Variants in RALYL observed in about 807,000 individuals in gnomAD.
The protein encoded by RALYL is RNA-binding Raly-like protein.
Under a neutral mutation model 35.1 loss-of-function variants are expected in RALYL, and 29 were observed. The ratio of observed to expected loss-of-function variants is 0.83; its 90% CI spans 0.61 to 1.13. The LOEUF (loss-of-function observed/expected upper bound fraction) is 1.13, where lower values mean the gene tolerates loss of function less well. Among genes scored for constraint, RALYL ranks in the 50% most tolerant of loss-of-function variants. The pLI, the probability that RALYL is intolerant of heterozygous loss-of-function variation, is 0.00. For missense variants in RALYL, 359 were observed against 360.4 expected (o/e 1.00, Z 0.03); for synonymous variants, 120 against 127.6 (o/e 0.94, Z 0.40).
chr8:84,243,346 T>C (rs904719988), intron 1 of RALYL, among the ~76,000 whole-genome samples: 4 of 152,082 alleles, frequency 2.6e-5, no homozygotes, highest in Non-Finnish European at 4.4e-5. Flanking sequence ...TTGAAAGTAG[T>C]TTTTTCTAAT....
At chr8:84,691,758 G>A (rs1279453482) in intron 2 of RALYL, among the ~76,000 whole-genome samples, 1 of 151,910 alleles carries the variant, frequency 6.6e-6, no homozygotes, top group Admixed American at 6.6e-5. Flanking sequence ...TAGATAGAAA[G>A]CACATGCAAA....
intron 1 of RALYL, among the ~76,000 whole-genome samples, chr8:84,358,416 A>C (rs1352309851): frequency 1.3e-5 from 2 of 152,050 alleles, no homozygotes; most frequent in Non-Finnish European, 2.9e-5. Context: ...GTGTGTGCAC[A>C]TGCAATAAAA....
intron 4 of RALYL, among the ~76,000 whole-genome samples, chr8:84,817,762 A>G (rs111405271): frequency 1.6e-3 from 240 of 151,934 alleles, no homozygotes; most frequent in African/African-American, 5.5e-3. Flanking sequence ...ACTGTGTTGG[A>G]CAGGCTGGTC....
intron 2 of RALYL, among the ~76,000 whole-genome samples, chr8:84,616,553 T>A (rs1429013019): frequency 8.8e-5 from 13 of 148,038 alleles, no homozygotes; most frequent in African/African-American, 3.3e-4. Context: ...GCCTGTTCAC[T>A]CTGATGGTAG....
intron 6 of RALYL, among the ~76,000 whole-genome samples, chr8:84,871,419 A>T (rs965425539): frequency 6.6e-6 from 1 of 152,220 alleles, no homozygotes; most frequent in African/African-American, 2.4e-5. Flanking sequence ...TTTCAGCTAT[A>T]GTCCTATTTA....
At chr8:84,325,309 G>T (rs568886303) in intron 1 of RALYL, among the ~76,000 whole-genome samples, 1 of 152,104 alleles carries the variant, frequency 6.6e-6, no homozygotes, top group African/African-American at 2.4e-5. Context: ...CTGAATTATA[G>T]ATTTCCCTGA....
chr8:84,871,237 C>T (rs1840134439), intron 6 of RALYL, among the ~76,000 whole-genome samples: 1 of 152,140 alleles, frequency 6.6e-6, no homozygotes, highest in Non-Finnish European at 1.5e-5. Context: ...TCCCTGGAGA[C>T]TTCTAAGTTC....
At chr8:84,256,814 G>T (rs1433463221) in intron 1 of RALYL, among the ~76,000 whole-genome samples, 1 of 152,056 alleles carries the variant, frequency 6.6e-6, no homozygotes, top group Non-Finnish European at 1.5e-5. Context: ...GTAGAAAGAG[G>T]TTAAGTAATT....
intron 2 of RALYL, among the ~76,000 whole-genome samples, chr8:84,752,098 T>C (rs188259165): frequency 1.6e-4 from 25 of 152,314 alleles, no homozygotes; most frequent in African/African-American, 5.8e-4. Flanking sequence ...CTGATAGTGA[T>C]ATGGACGATG....
intron 1 of RALYL, among the ~76,000 whole-genome samples, chr8:84,336,768 G>A (rs1324438955): frequency 6.6e-6 from 1 of 151,948 alleles, no homozygotes; most frequent in Admixed American, 6.6e-5. Flanking sequence ...AACCATCACT[G>A]CAGCTGACCC....
chr8:84,500,636 C>G (rs1182057784), intron 1 of RALYL, among the ~76,000 whole-genome samples: 1 of 152,060 alleles, frequency 6.6e-6, no homozygotes, highest in Non-Finnish European at 1.5e-5. Flanking sequence ...GGAGTCACTT[C>G]TAAATACTTG....
intron 1 of RALYL, among the ~76,000 whole-genome samples, chr8:84,473,924 T>C (rs751330704): frequency 6.6e-6 from 1 of 152,088 alleles, no homozygotes; most frequent in Non-Finnish European, 1.5e-5. Flanking sequence ...AATAAAATTT[T>C]TAAATTCTTT....
intron 2 of RALYL, among the ~76,000 whole-genome samples, chr8:84,643,577 T>C (rs911006466): frequency 6.6e-6 from 1 of 151,938 alleles, no homozygotes; most frequent in Non-Finnish European, 1.5e-5. Context: ...TGCCCCATCA[T>C]ACAGAAATTA....
intron 3 of RALYL, among the ~76,000 whole-genome samples, 186 bp downstream of exon 3, chr8:84,774,840 CCTT>C (rs1252989875): frequency 9.2e-5 from 14 of 152,284 alleles, no homozygotes; most frequent in African/African-American, 3.4e-4. Flanking sequence ...CAATGCCTAA[CCTT>C]CTCATATCTG....
rs1465794517 is a variant in RALYL, at chr8:84,386,256, A to G, written c.-23-143043A>G. 2.0e-5 allele frequency among the ~76,000 whole-genome samples: 3 copies of G among 151,830 alleles called. No individual in the cohort carries two copies. In the East Asian group the frequency reaches 5.8e-4, roughly 29 times the overall value. Reference sequence around the variant, plus strand: ...TGCCCTTATCCATCCTGACTTTCCTACCATATTTTGCTACTTTCTCCTTTG... The same window carrying G: ...TGCCCTTATCCATCCTGACTTTCCTGCCATATTTTGCTACTTTCTCCTTTG... On this transcript the variant is annotated intron_variant, in intron 1 of 8. Coordinates refer to ENST00000521268, the MANE Select transcript of RALYL (RefSeq NM_173848.7).
intron 1 of RALYL, chr8:84,184,784 C>T (rs1274822073): frequency 3.7e-6 from 2 of 542,966 alleles, no homozygotes; most frequent in Non-Finnish European, 6.5e-6. Context: ...GCCACTTGCA[C>T]AGCAGGAGGG....
chr8:84,207,180 T>G (rs1818253284), intron 1 of RALYL, among the ~76,000 whole-genome samples: 1 of 152,098 alleles, frequency 6.6e-6, no homozygotes. Context: ...CAAAGGAAAT[T>G]AAACCAGTAT....
intron 2 of RALYL, among the ~76,000 whole-genome samples, chr8:84,559,917 A>G (rs1415041846): frequency 2.0e-5 from 3 of 151,638 alleles, no homozygotes; most frequent in South Asian, 4.2e-4. Context: ...AGTACTGTAG[A>G]GGCATAGTAC....
intron 1 of RALYL, among the ~76,000 whole-genome samples, chr8:84,490,784 T>C (rs2055201204): frequency 6.6e-6 from 1 of 151,638 alleles, no homozygotes; most frequent in Admixed American, 6.6e-5. Context: ...TTTTAAGTTC[T>C]AGGATGGTAA....
Sources: gnomAD v4.1 joint callset for allele counts (sites outside exome capture counted in the v4.1 genomes callset) on GRCh38, gnomAD v4.1.1 for gene constraint, MANE v1.5 for transcripts, NCBI Gene and HGNC (gene_info 2026-07-23, HGNC 2026-07-21) for gene names.